The following EIF2AK4 variants were observed in gnomAD, a reference collection of about 807,000 sequenced individuals.
The protein encoded by EIF2AK4 is eukaryotic translation initiation factor 2 alpha kinase 4.
EIF2AK4 carries 139 observed loss-of-function variants against 211.1 expected under a neutral mutation model. That is an observed-to-expected ratio of 0.66 (90% CI 0.57 to 0.76). The LOEUF is 0.76. Ranked by LOEUF, EIF2AK4 falls within the 30% of genes least tolerant of loss-of-function variation. The pLI is 0.00. For synonymous variants in EIF2AK4, 710 were observed against 751.3 expected, an observed-to-expected ratio of 0.94 and a Z score of 0.90; for missense variants, 1,664 against 2,043.8, an observed-to-expected ratio of 0.81 and a Z score of 3.58.
In EIF2AK4 at chr15:40,017,116, C is replaced by A. The variant is rs1481052992; in HGVS notation, c.3939C>A (p.Ile1313=). 1 of 1,612,778 alleles carries A rather than the reference C, an allele frequency of 6.2e-7. No homozygotes were observed. The highest frequency in any genetic ancestry group is 8.5e-7 in the Non-Finnish European group (1 of 1,178,920). Reference sequence around the variant, plus strand: ...GGCATCTCTCTTTATAGGTCTTGATCAATTTGGGCTTGGTTTACAAGGTGC... The same window carrying A: ...GGCATCTCTCTTTATAGGTCTTGATAAATTTGGGCTTGGTTTACAAGGTGC... ...KKLGIKLQVL[I]NLGLVYKVQQ... is the part of the protein sequence containing the mutation. The change falls in exon 29 of 39, where the codon ATC becomes ATA. Residue 1313 remains isoleucine (I), a synonymous_variant. Transcript: ENST00000263791.
At chr15:39,977,364 G>T (rs1269047489) in intron 12 of EIF2AK4, 1 of 152,570 alleles carries the variant, frequency 6.6e-6, no homozygotes, top group African/African-American at 2.4e-5. Context: ...TGGATCCCTC[G>T]TGTGCACAGT....
In EIF2AK4 at chr15:40,035,275, G is replaced by A. The variant is rs2035600996; in HGVS notation, c.*191G>A. The A allele has an allele frequency of 5.2e-6, 2 of 385,898 alleles. No homozygotes were observed. Among genetic ancestry groups the A allele is most frequent in the Non-Finnish European group, 9.1e-6 (2 of 218,724 alleles). 23.9% of individuals were successfully genotyped at this position (385,898 alleles called of 1,614,324 possible). A position where few individuals can be genotyped will look rare whatever the true frequency, so the allele number is the denominator to read the frequency against. On this transcript the variant is annotated 3_prime_UTR_variant, in exon 39 of 39. Coordinates refer to ENST00000263791, the MANE Select transcript of EIF2AK4 (RefSeq NM_001013703.4). Reference sequence around the variant, plus strand: ...GCTTGAAACCAGGAGTTTGAGACCAGCCTGAGCAACAAAGCAAGACCCCAT... The same window carrying A: ...GCTTGAAACCAGGAGTTTGAGACCAACCTGAGCAACAAAGCAAGACCCCAT...
intron 11 of EIF2AK4, 131 bp downstream of exon 11, chr15:39,973,880 A>C: frequency 2.1e-6 from 2 of 972,030 alleles, no homozygotes; most frequent in East Asian, 2.5e-5. Context: ...TACTATGCTC[A>C]TCCTCACCTT....
rs1443037952 is a variant in EIF2AK4, at chr15:40,022,614, GT to G, written c.4389+10del. ...AAGGAAGCCATGTCAAGGTAAAGAC[GT>G]CAGAGATTTTTTACAATTCAATAGT... On this transcript the variant is annotated intron_variant, in intron 32 of 38. Transcript: ENST00000263791. 1 of 1,613,462 alleles carries G rather than the reference GT, an allele frequency of 6.2e-7. No homozygotes were observed. The highest frequency in any genetic ancestry group is 1.7e-4 in the Middle Eastern group (1 of 6,060).
chr15:39,939,685 GAA>G, intron 2 of EIF2AK4, 68 bp downstream of exon 2: 2 of 1,297,148 alleles, frequency 1.5e-6, no homozygotes, highest in Non-Finnish European at 2.1e-6. Context: ...GAAACAGATT[GAA>G]ATTCGTAGTA....
At chr15:40,004,699 ACT>A (rs1390568780) in intron 23 of EIF2AK4, among the ~76,000 whole-genome samples, 1 of 152,066 alleles carries the variant, frequency 6.6e-6, no homozygotes, top group African/African-American at 2.4e-5. Context: ...ACAGGGCAAG[ACT>A]CTGTCTCAAA....
In EIF2AK4 at chr15:39,950,898, T is replaced by C. The variant is rs1182092144; in HGVS notation, c.513+1630T>C. 4.6e-5 allele frequency among the ~76,000 whole-genome samples: 7 copies of C among 152,364 alleles called. No individual in the cohort carries two copies. In the East Asian group the frequency reaches 1.2e-3, roughly 25 times the overall value. ...TCCAGAAAAATGTAACAGGTTTATC[T>C]ATAATTATTAGAAAGTTAAACTGCC... On this transcript the variant is annotated intron_variant, in intron 4 of 38. Transcript: ENST00000263791.
At chr15:39,938,101 G>A (rs1489009225) in intron 1 of EIF2AK4, among the ~76,000 whole-genome samples, 1 of 152,098 alleles carries the variant, frequency 6.6e-6, no homozygotes, top group Admixed American at 6.5e-5. Context: ...TCTCTTCAAC[G>A]GCACTCTCTA....
intron 37 of EIF2AK4, among the ~76,000 whole-genome samples, chr15:40,033,900 C>T (rs985205279): frequency 7.2e-5 from 11 of 151,750 alleles, no homozygotes; most frequent in African/African-American, 2.7e-4. Context: ...TAGTGGCAGG[C>T]GCCTGTAATC....
chr15:39,996,320 A>G (rs999283133), intron 18 of EIF2AK4, among the ~76,000 whole-genome samples: 6 of 152,186 alleles, frequency 3.9e-5, no homozygotes, highest in Admixed American at 1.3e-4. Context: ...CTTATGATCA[A>G]TCTCAGTTGT....
rs772207543 is a variant in EIF2AK4, at chr15:39,976,767, C to T, written c.2172C>T (p.Pro724=). The change falls in exon 12 of 39, where the codon CCC becomes CCT. Residue 724 remains proline, a synonymous_variant. Transcript: ENST00000263791. ...SGERSASARF[P]ATGPGSSDDE... is the part of the protein sequence containing the mutation. ...AGCGCTCGGCCAGTGCCCGTTTCCC[C>T]GCCACCGGCCCGGGCTCCAGCGATG... 3.8e-6 allele frequency: 6 copies of T among 1,594,462 alleles called. No individual in the cohort carries two copies. Among genetic ancestry groups the T allele is most frequent in the African/African-American group, 2.7e-5 (2 of 73,078 alleles).
Position 40,000,364 on chromosome 15 carries a change from C to G in EIF2AK4, c.2923-624C>G, listed in dbSNP as rs556595402. On this transcript the variant is annotated intron_variant, in intron 20 of 38. Coordinates refer to ENST00000263791, the MANE Select transcript of EIF2AK4 (RefSeq NM_001013703.4). ...TGAGGTTTTCTTATCTCAAATATTT[C>G]TCTAACTCCTTATAAATCTTTATTA... Among the ~76,000 whole-genome samples the G allele has an allele frequency of 8.5e-4, 130 of 152,238 alleles. 1 individual carries two copies. The South Asian group carries it at 0.011, about 13-fold the overall frequency.
Position 39,976,410 on chromosome 15 carries a change from G to C in EIF2AK4, c.1819-4G>C. 1 of 1,585,230 alleles carries C rather than the reference G, an allele frequency of 6.3e-7. No individual in the cohort carries two copies. The highest frequency in any genetic ancestry group is 1.7e-4 in the Middle Eastern group (1 of 5,820). ...CGGCTGACCTTCCCCTGGCTGTGCC[G>C]CAGGTGCAGAACAAGTTGGACGGCT... On this transcript the variant is annotated splice_polypyrimidine_tract_variant and splice_region_variant and intron_variant, in intron 11 of 38. Coordinates refer to ENST00000263791, the MANE Select transcript of EIF2AK4 (RefSeq NM_001013703.4).
intron 27 of EIF2AK4, among the ~76,000 whole-genome samples, chr15:40,011,748 CCCTTCCCCTA>C (rs1260775859): frequency 6.6e-6 from 1 of 152,218 alleles, no homozygotes; most frequent in African/African-American, 2.4e-5. Context: ...TGGGGAGCTA[CCCTTCCCCTA>C]CCTCCATGTC....
At chr15:40,025,684 C>T (rs1166509082) in intron 32 of EIF2AK4, among the ~76,000 whole-genome samples, 1 of 152,206 alleles carries the variant, frequency 6.6e-6, no homozygotes, top group African/African-American at 2.4e-5. Flanking sequence ...ATAAACTAGT[C>T]CAGACCAGGG....
chr15:40,009,782 G>A, intron 26 of EIF2AK4, 52 bp downstream of exon 26: 1 of 1,220,802 alleles, frequency 8.2e-7, no homozygotes. Flanking sequence ...GATGTTGAAA[G>A]ATAATAATAA....
intron 2 of EIF2AK4, among the ~76,000 whole-genome samples, chr15:39,942,497 C>T (rs1374654774): frequency 6.6e-6 from 1 of 152,206 alleles, no homozygotes; most frequent in Non-Finnish European, 1.5e-5. Flanking sequence ...TAGATAAGTG[C>T]ATACTCAAGA....
chr15:40,025,891 G>C, intron 32 of EIF2AK4, 86 bp from the exon 33 acceptor site: 1 of 1,291,376 alleles, frequency 7.7e-7, no homozygotes, highest in Non-Finnish European at 1.1e-6. Context: ...CCAAACTATT[G>C]ATTTAGTAGT....
intron 36 of EIF2AK4, 92 bp downstream of exon 36, chr15:40,032,329 A>T (rs2035554995): frequency 3.5e-6 from 4 of 1,129,938 alleles, no homozygotes; most frequent in Non-Finnish European, 5.3e-6. Flanking sequence ...GCTCAGTGTC[A>T]GCAGAATTTG....
Sources: gnomAD v4.1 joint callset for allele counts (sites outside exome capture counted in the v4.1 genomes callset) on GRCh38, gnomAD v4.1.1 for gene constraint, MANE v1.5 for transcripts, NCBI Gene and HGNC (gene_info 2026-07-23, HGNC 2026-07-21) for gene names.